ATP2B2: variants seen among roughly 807,000 people sequenced by gnomAD.
ATP2B2 encodes the protein ATPase plasma membrane Ca2+ transporting 2, also known as plasma membrane calcium-transporting ATPase 2.
In ATP2B2, 15 loss-of-function variants were observed where a neutral mutation model predicts 120.0. The observed-to-expected ratio is 0.12, with a 90% CI of 0.08 to 0.19. The LOEUF (loss-of-function observed/expected upper bound fraction) is 0.19, where lower values mean the gene tolerates loss of function less well. Ranked by LOEUF, ATP2B2 falls within the 10% of genes least tolerant of loss-of-function variation. The probability of loss-of-function intolerance (pLI) is 1.00; values close to 1 mark genes in which losing one functional copy is unlikely to be tolerated. For synonymous variants in ATP2B2, 694 were observed against 700.3 expected (o/e 0.99, Z 0.14); for missense variants, 1,045 against 1,719.8 (o/e 0.61, Z 6.94).
intron 2 of ATP2B2, among the ~76,000 whole-genome samples, chr3:10,419,629 C>G (rs142400913): frequency 1.4e-4 from 21 of 152,340 alleles, no homozygotes; most frequent in African/African-American, 5.1e-4. Flanking sequence ...GGCTGTCTCA[C>G]TTGAGGATCA....
intron 22 of ATP2B2, chr3:10,336,087 C>T (rs373518896): frequency 1.5e-5 from 23 of 1,543,484 alleles, no homozygotes; most frequent in Admixed American, 3.9e-5. Context: ...TGGGAGCTGG[C>T]GTGGGCAGTG....
At chr3:10,437,332 G>T (rs2063509135) in intron 2 of ATP2B2, among the ~76,000 whole-genome samples, 1 of 152,202 alleles carries the variant, frequency 6.6e-6, no homozygotes, top group African/African-American at 2.4e-5. Flanking sequence ...TGCTAAGTGT[G>T]TTGACTCACA....
chr3:10,564,069 A>C (rs550061031), intron 2 of ATP2B2, among the ~76,000 whole-genome samples: 2 of 152,198 alleles, frequency 1.3e-5, no homozygotes, highest in Non-Finnish European at 2.9e-5. Context: ...GGTGAGAAAG[A>C]AACTTCAGGG....
intron 2 of ATP2B2, among the ~76,000 whole-genome samples, chr3:10,536,331 A>AT (rs71055821): frequency 0.044 from 6,124 of 138,810 alleles, 178 homozygotes; most frequent in Non-Finnish European, 0.064. Context: ...TTGTCACAGG[A>AT]TTTTTTTTTT....
intron 2 of ATP2B2, 105 bp from the exon 3 acceptor site, chr3:10,410,920 G>C: frequency 7.2e-7 from 1 of 1,389,238 alleles, no homozygotes; most frequent in East Asian, 2.3e-5. Flanking sequence ...AAACTTGCTG[G>C]TGGCTGGCCC....
rs2069496009 is a variant in ATP2B2, at chr3:10,619,780, G to C, written c.-415+137C>G. The C allele has an allele frequency of 2.0e-5, 3 of 152,318 alleles. No individual in the cohort carries two copies. The South Asian group carries it at 6.2e-4, about 32-fold the overall frequency. The allele number at this position is 152,318 out of a possible 1,614,324, so 9.4% of individuals were successfully genotyped here. On this transcript the variant is annotated intron_variant, in intron 2 of 21. Transcript: ENST00000646379. ...GGCTGAGTGTTGGGTAGTTGGGGTG[G>C]ATGATTTCACAGAGAGGCGGTTTGC... is the stretch of plus-strand genomic sequence containing the variant.
chr3:10,434,093 G>C (rs1286482615), intron 2 of ATP2B2, among the ~76,000 whole-genome samples: 1 of 152,236 alleles, frequency 6.6e-6, no homozygotes, highest in East Asian at 1.9e-4. Context: ...CAGCTAGGGG[G>C]TGGGGCATAC....
chr3:10,597,885 C>T (rs1328436277), intron 2 of ATP2B2, among the ~76,000 whole-genome samples: 1 of 152,176 alleles, frequency 6.6e-6, no homozygotes, highest in Admixed American at 6.5e-5. Context: ...CTCAAGCTAC[C>T]ACCCCTCAAA....
chr3:10,448,714 A>T (rs540228963), intron 2 of ATP2B2, among the ~76,000 whole-genome samples: 128 of 152,222 alleles, frequency 8.4e-4, no homozygotes, highest in Middle Eastern at 3.4e-3. Flanking sequence ...CTGCCCAGCA[A>T]CCCTAGAGCT....
chr3:10,467,668 C>G (rs1457904498), intron 1 of ATP2B2, among the ~76,000 whole-genome samples: 5 of 152,200 alleles, frequency 3.3e-5, no homozygotes, highest in Non-Finnish European at 5.9e-5. Flanking sequence ...AGAGGACATG[C>G]ACTGGGCACC....
chr3:10,386,608 C>A, intron 6 of ATP2B2, 96 bp from the exon 7 acceptor site: 1 of 1,299,698 alleles, frequency 7.7e-7, no homozygotes, highest in Non-Finnish European at 1.1e-6. Flanking sequence ...CATGTGCATA[C>A]ACACATGGCC....
At position 10,598,508 on chromosome 3, in the gene ATP2B2, C is replaced by T. The variant is rs77843257; in HGVS notation, c.-415+21409G>A. On this transcript the variant is annotated intron_variant, in intron 2 of 21. Transcript: ENST00000646379. ...GGAATACAAAGAAGTGTGGCTTCTA[C>T]GCCTCCCAACCATGCACGCTCCTGA... 1.6e-3 allele frequency among the ~76,000 whole-genome samples: 249 copies of T among 152,314 alleles called. 5 individuals are homozygous for T. The East Asian group carries it at 0.044, about 27-fold the overall frequency.
intron 8 of ATP2B2, among the ~76,000 whole-genome samples, chr3:10,382,563 C>T (rs1414962636): frequency 6.7e-6 from 1 of 148,280 alleles, no homozygotes; most frequent in Non-Finnish European, 1.5e-5. Context: ...CACCATGTTG[C>T]CCAGGCTGGT....
At chr3:10,461,693 G>A (rs1463633593) in intron 1 of ATP2B2, among the ~76,000 whole-genome samples, 1 of 152,096 alleles carries the variant, frequency 6.6e-6, no homozygotes, top group African/African-American at 2.4e-5. Flanking sequence ...TCCTGTCCTC[G>A]TGCTTTGGGG....
In ATP2B2 at chr3:10,342,490, G is replaced by T. The variant is rs536752394; in HGVS notation, c.2917+262C>A. On this transcript the variant is annotated intron_variant, in intron 19 of 22. Coordinates refer to ENST00000360273, the MANE Select transcript of ATP2B2 (RefSeq NM_001001331.4). The surrounding 1 kb of genome is among the most constrained non-coding windows in gnomAD (Gnocchi z 4.4). ...TCAGCACCCGGTCAGGGCCTTGCAC[G>T]GTCTGTACTTGTTGCCAGGAGCTGT... 6.6e-6 allele frequency among the ~76,000 whole-genome samples: 1 copy of T among 152,168 alleles called. No homozygotes were observed. The highest frequency in any genetic ancestry group is 2.4e-5 in the African/African-American group (1 of 41,434).
At chr3:10,596,965 ACACACACAGGCACACG>A (rs1328764695) in intron 2 of ATP2B2, among the ~76,000 whole-genome samples, 1 of 151,356 alleles carries the variant, frequency 6.6e-6, no homozygotes, top group African/African-American at 2.4e-5. Context: ...GTACGCGTGC[ACACACACAGGCACACG>A]CACACGCAGG....
chr3:10,665,678 A>G (rs2070911422), intron 1 of ATP2B2, among the ~76,000 whole-genome samples: 1 of 152,226 alleles, frequency 6.6e-6, no homozygotes, highest in Non-Finnish European at 1.5e-5. Flanking sequence ...CTTGGAGGGC[A>G]TGCCAAATCT....
At chr3:10,651,699 G>A (rs1453362400) in intron 1 of ATP2B2, among the ~76,000 whole-genome samples, 2 of 151,164 alleles carry the variant, frequency 1.3e-5, no homozygotes, top group South Asian at 4.3e-4. Flanking sequence ...GTGGATGGAA[G>A]GGTGAATGGA....
chr3:10,545,309 C>T (rs1475696924), intron 2 of ATP2B2, among the ~76,000 whole-genome samples: 1 of 152,188 alleles, frequency 6.6e-6, no homozygotes, highest in Non-Finnish European at 1.5e-5. Context: ...GCAGGTGGAT[C>T]ACCTGAGGTC....
Sources: allele counts gnomAD v4.1 joint callset (sites outside exome capture counted in the v4.1 genomes callset), GRCh38; gene constraint gnomAD v4.1.1; non-coding constraint Gnocchi (gnomAD v3.1); transcripts MANE v1.5; gene names NCBI Gene and HGNC (gene_info 2026-07-23, HGNC 2026-07-21).